GATAD1: variants seen among roughly 807,000 people sequenced by gnomAD.
GATAD1 encodes GATA zinc finger domain containing 1, also known as GATA zinc finger domain-containing protein 1.
In GATAD1, 12 loss-of-function variants were observed where a neutral mutation model predicts 26.5. The ratio of observed to expected loss-of-function variants is 0.45; its 90% confidence interval spans 0.29 to 0.73. The LOEUF (loss-of-function observed/expected upper bound fraction) is 0.73, where lower values mean the gene tolerates loss of function less well. Among genes scored for constraint, GATAD1 ranks in the 30% least tolerant of loss-of-function variants. The pLI is 0.10. For missense variants in GATAD1, 266 were observed against 342.1 expected, an observed-to-expected ratio of 0.78 and a Z score of 1.75; for synonymous variants, 129 against 133.1, an observed-to-expected ratio of 0.97 and a Z score of 0.21.
In GATAD1 at chr7:92,458,383, A is replaced by T. The variant is rs1273540535; in HGVS notation, c.*1821A>T. 6.6e-6 allele frequency: 1 copy of T among 152,212 alleles called. No individual in the cohort carries two copies. Among genetic ancestry groups the T allele is most frequent in the East Asian group, 1.9e-4 (1 of 5,200 alleles). 9.4% of individuals were successfully genotyped at this position (152,212 alleles called of 1,614,324 possible). ...TAAAACGAATATTGGGAGGTCATGA[A>T]AGTCATTGGTAGGCCATTAGCATTG... On this transcript the variant is annotated 3_prime_UTR_variant, in exon 5 of 5. Transcript: ENST00000287957.
the GATAD1 span, among the ~76,000 whole-genome samples, chr7:92,480,638 G>A: frequency 1.3e-5 from 2 of 152,352 alleles, no homozygotes; most frequent in Non-Finnish European, 2.9e-5. Context: ...TTTGCCTTGT[G>A]TGAGAAGAGA....
chr7:92,491,636 C>T, the GATAD1 span: 1 of 644,122 alleles, frequency 1.6e-6, no homozygotes. Flanking sequence ...CTCATTAATT[C>T]TCTAACGGTT....
chr7:92,470,047 G>T, the GATAD1 span: 21 of 778,660 alleles, frequency 2.7e-5, no homozygotes, highest in African/African-American at 2.7e-4. Flanking sequence ...AGACATACCA[G>T]TTTGGGTGAA....
chr7:92,455,909 T>G (rs112732468), intron 4 of GATAD1, among the ~76,000 whole-genome samples: 2,302 of 152,338 alleles, frequency 0.015, 65 homozygotes, highest in African/African-American at 0.053. Context: ...ATATGCATCC[T>G]TGTCCTACAG....
At chr7:92,470,214 A>G in the GATAD1 span, 5 of 778,498 alleles carry the variant, frequency 6.4e-6, no homozygotes, top group Non-Finnish European at 1.2e-5. Flanking sequence ...GGGTTCCCTT[A>G]GAAAGACTCC....
the GATAD1 span, among the ~76,000 whole-genome samples, chr7:92,483,414 T>G: frequency 6.6e-6 from 1 of 152,252 alleles, no homozygotes; most frequent in African/African-American, 2.4e-5. Context: ...ACTCTATTCT[T>G]GTACACCTTG....
the GATAD1 span, chr7:92,472,246 G>A: frequency 1.3e-5 from 2 of 152,258 alleles, no homozygotes; most frequent in African/African-American, 4.8e-5. Flanking sequence ...TGACATTTAA[G>A]TAAACAGTTG....
the GATAD1 span, among the ~76,000 whole-genome samples, chr7:92,479,541 T>C: frequency 2.0e-5 from 3 of 152,362 alleles, no homozygotes; most frequent in Admixed American, 6.5e-5. Context: ...TGGATGTATA[T>C]GTGCAGGTCA....
In GATAD1 at chr7:92,459,742, C is replaced by T. The variant is rs928574809; in HGVS notation, c.*3180C>T. On this transcript the variant is annotated 3_prime_UTR_variant, in exon 5 of 5. Transcript: ENST00000287957. ...CATCCTCACTCCTATCCCTTTGGTC[C>T]TGGGATGACAGGGATGCTGTGTTTT... 9.9e-5 allele frequency among the ~76,000 whole-genome samples: 15 copies of T among 152,162 alleles called. No homozygotes were observed. The highest frequency in any genetic ancestry group is 3.6e-4 in the African/African-American group (15 of 41,448).
chr7:92,451,140 G>A (rs991594625), intron 3 of GATAD1, among the ~76,000 whole-genome samples: 1 of 152,226 alleles, frequency 6.6e-6, no homozygotes, highest in African/African-American at 2.4e-5. Context: ...GTTGTCGACT[G>A]TGGTGTCAAA....
the GATAD1 span, chr7:92,468,900 C>T: frequency 1.3e-6 from 1 of 764,266 alleles, no homozygotes; most frequent in African/African-American, 1.7e-5. Flanking sequence ...AGATCTTAGT[C>T]TTGGACTGCA....
chr7:92,475,019 A>G, the GATAD1 span: 2 of 152,272 alleles, frequency 1.3e-5, no homozygotes, highest in South Asian at 2.1e-4. Flanking sequence ...ATAGGGAGGT[A>G]GACTCTGAAG....
At chr7:92,495,293 C>G in the GATAD1 span, among the ~76,000 whole-genome samples, 3 of 151,864 alleles carry the variant, frequency 2.0e-5, no homozygotes, top group Non-Finnish European at 4.4e-5. Context: ...CGAATAACAC[C>G]TAATATAAAA....
chr7:92,461,672 A>G (rs1585179509), downstream of GATAD1, among the ~76,000 whole-genome samples: 1 of 152,338 alleles, frequency 6.6e-6, no homozygotes, highest in East Asian at 1.9e-4. Context: ...TTTATATACT[A>G]AATTGAAAAG....
At chr7:92,486,007 A>C in the GATAD1 span, among the ~76,000 whole-genome samples, 13 of 152,126 alleles carry the variant, frequency 8.5e-5, no homozygotes, top group Admixed American at 8.5e-4. Flanking sequence ...GGTCAAGATG[A>C]CCTCTGTATG....
At chr7:92,489,417 C>T in the GATAD1 span, 4 of 1,612,418 alleles carry the variant, frequency 2.5e-6, no homozygotes, top group East Asian at 2.2e-5. Context: ...TTCATGGATT[C>T]GTCCTCCTTA....
chr7:92,456,217 T>A (rs1304001284), intron 4 of GATAD1, among the ~76,000 whole-genome samples, 155 bp from the exon 5 acceptor site: 1 of 152,112 alleles, frequency 6.6e-6, no homozygotes, highest in African/African-American at 2.4e-5. Context: ...GAAGAAAAAA[T>A]GATTAAGAAT....
chr7:92,448,235 C>T (rs879515710), intron 1 of GATAD1, among the ~76,000 whole-genome samples: 5 of 152,224 alleles, frequency 3.3e-5, no homozygotes, highest in Non-Finnish European at 5.9e-5. Context: ...TCTACACAGT[C>T]GTATACAGTG....
At chr7:92,489,710 A>G in the GATAD1 span, 5 of 1,611,898 alleles carry the variant, frequency 3.1e-6, no homozygotes, top group African/African-American at 5.3e-5. Context: ...GGAAAAAGCC[A>G]TACTCCACTT....
Sources: gnomAD v4.1 joint callset for allele counts (sites outside exome capture counted in the v4.1 genomes callset) on GRCh38, gnomAD v4.1.1 for gene constraint, MANE v1.5 for transcripts, NCBI Gene and HGNC (gene_info 2026-07-23, HGNC 2026-07-21) for gene names.